The following KIAA1549L variants were observed in gnomAD, a reference collection of about 807,000 sequenced individuals.
KIAA1549L encodes the protein KIAA1549 like, also known as UPF0606 protein KIAA1549L.
In KIAA1549L, 88 loss-of-function variants were observed where a neutral mutation model predicts 160.7. The observed-to-expected ratio is 0.55, with a 90% CI of 0.46 to 0.65. The LOEUF is 0.65. Ranked by LOEUF, KIAA1549L falls within the 30% of genes least tolerant of loss-of-function variation. The pLI, the probability that KIAA1549L is intolerant of heterozygous loss-of-function variation, is 0.00. For missense variants in KIAA1549L, 2,258 were observed against 2,437.5 expected, an observed-to-expected ratio of 0.93 and a Z score of 1.55; for synonymous variants, 950 against 976.7, an observed-to-expected ratio of 0.97 and a Z score of 0.51.
rs35479859 is a variant in KIAA1549L, at chr11:33,405,839, C to CAAAAAAAA, written c.238+28967_238+28974dup. On this transcript the variant is annotated intron_variant, in intron 1 of 20. Transcript: ENST00000658780. ...CCTGGGCAACAGAGCCAGTCTGTCT[C>CAAAAAAAA]AAAAAAAAAAAAAAAAAAAAAAAAG... Among the ~76,000 whole-genome samples the CAAAAAAAA allele has an allele frequency of 2.4e-3, 163 of 68,862 alleles. 5 individuals carry two copies. In the South Asian group the frequency reaches 0.037, roughly 16 times the overall value. 45.2% of individuals were successfully genotyped at this position (68,862 alleles called of 152,430 possible). A position where few individuals can be genotyped will look rare whatever the true frequency, so the allele number is the denominator to read the frequency against.
At chr11:33,587,088 A>C (rs1251640929) in intron 11 of KIAA1549L, among the ~76,000 whole-genome samples, 1 of 152,190 alleles carries the variant, frequency 6.6e-6, no homozygotes, top group Non-Finnish European at 1.5e-5. Flanking sequence ...AATCGTATAG[A>C]GTGTTGTGAG....
chr11:33,474,263 A>G (rs1007388767), intron 1 of KIAA1549L, among the ~76,000 whole-genome samples: 1 of 152,216 alleles, frequency 6.6e-6, no homozygotes, highest in Admixed American at 6.5e-5. Context: ...ATCAGATGTC[A>G]TCTGGCTTGT....
chr11:33,546,766 C>G (rs1370722251), intron 3 of KIAA1549L, among the ~76,000 whole-genome samples: 1 of 152,174 alleles, frequency 6.6e-6, no homozygotes, highest in African/African-American at 2.4e-5. Flanking sequence ...CCAGTAGATG[C>G]CTGAAACTGC....
chr11:33,434,823 C>T (rs189399482), intron 1 of KIAA1549L, among the ~76,000 whole-genome samples: 10 of 152,334 alleles, frequency 6.6e-5, no homozygotes, highest in African/African-American at 2.4e-4. Context: ...CACTGGACCC[C>T]TAGAAATTTT....
intron 9 of KIAA1549L, among the ~76,000 whole-genome samples, chr11:33,570,451 A>G (rs1383990327): frequency 6.6e-6 from 1 of 152,104 alleles, no homozygotes; most frequent in African/African-American, 2.4e-5. Context: ...AAATCTTGGC[A>G]GGAGGAATTT....
rs1178288261 is a variant in KIAA1549L at position 33,435,818 on chromosome 11, G to GTATA, written c.238+58939_238+58942dup. Among the ~76,000 whole-genome samples, 158 of 45,102 alleles carry GTATA rather than the reference G, an allele frequency of 3.5e-3. 5 individuals carry two copies. The highest frequency in any genetic ancestry group is 5.6e-3 in the South Asian group (6 of 1,080). 29.6% of individuals were successfully genotyped at this position (45,102 alleles called of 152,430 possible). Reference sequence around the variant, plus strand: ...TATATATATATATATATATGTGTGTGTATATATATATATGTATATGTATAT... The same window carrying GTATA: ...TATATATATATATATATATGTGTGTGTATATATATATATATATGTATATGTATAT... On this transcript the variant is annotated intron_variant, in intron 1 of 20. Transcript: ENST00000658780.
chr11:33,509,899 C>G (rs1046243512), intron 1 of KIAA1549L, among the ~76,000 whole-genome samples: 1 of 152,184 alleles, frequency 6.6e-6, no homozygotes, highest in African/African-American at 2.4e-5. Flanking sequence ...TGTTCTCCTC[C>G]TGGTGCCTTT....
intron 11 of KIAA1549L, among the ~76,000 whole-genome samples, chr11:33,585,429 A>G (rs1364813605): frequency 3.3e-5 from 5 of 152,144 alleles, no homozygotes; most frequent in African/African-American, 1.2e-4. Flanking sequence ...GAGGCAGGAG[A>G]ATTGCTTGAA....
intron 16 of KIAA1549L, among the ~76,000 whole-genome samples, chr11:33,633,292 G>A (rs1851351824): frequency 2.0e-5 from 3 of 151,750 alleles, no homozygotes; most frequent in Non-Finnish European, 4.4e-5. Flanking sequence ...GTGAGTCACT[G>A]CGCCCAGCCC....
chr11:33,554,249 T>A (rs928358596), intron 6 of KIAA1549L, among the ~76,000 whole-genome samples: 6 of 152,208 alleles, frequency 3.9e-5, no homozygotes, highest in Non-Finnish European at 7.3e-5. Context: ...CTTTGTAGAA[T>A]AAGACCATGT....
chr11:33,666,425 A>G (rs1408941750), intron 20 of KIAA1549L, among the ~76,000 whole-genome samples: 3 of 152,150 alleles, frequency 2.0e-5, no homozygotes, highest in Admixed American at 6.5e-5. Flanking sequence ...CTCCCACTGC[A>G]TCTTCCTGGA....
At chr11:33,387,058 G>C (rs1054080439) in intron 1 of KIAA1549L, among the ~76,000 whole-genome samples, 2 of 151,892 alleles carry the variant, frequency 1.3e-5, no homozygotes, top group Non-Finnish European at 2.9e-5. Context: ...AGTGAGTCGG[G>C]ATTGTGCCAC....
intron 16 of KIAA1549L, among the ~76,000 whole-genome samples, chr11:33,635,132 T>G (rs1427911079): frequency 6.6e-6 from 1 of 152,178 alleles, no homozygotes; most frequent in African/African-American, 2.4e-5. Context: ...TCTTCCCACC[T>G]GGTGAAGTGA....
rs536273799 is a variant in KIAA1549L at position 33,638,696 on chromosome 11, A to G, written c.5410-6990A>G. On this transcript the variant is annotated intron_variant, in intron 16 of 20. Coordinates refer to ENST00000658780, the MANE Select transcript of KIAA1549L (RefSeq NM_012194.3). ...AATTTCTGGGTCATAGGGTAGGTATATGTTTAAGAAATTGTAGTCAAATTT... is the reference window on the plus strand; with the variant it reads ...AATTTCTGGGTCATAGGGTAGGTATGTGTTTAAGAAATTGTAGTCAAATTT... Among the ~76,000 whole-genome samples the G allele has an allele frequency of 4.6e-5, 7 of 152,328 alleles. No homozygotes were observed. In the East Asian group the frequency reaches 1.3e-3, roughly 29 times the overall value.
intron 1 of KIAA1549L, among the ~76,000 whole-genome samples, chr11:33,440,120 CTTTTTTTTTTT>C (rs201551936): frequency 1.7e-4 from 14 of 83,432 alleles, no homozygotes; most frequent in East Asian, 8.6e-4. Context: ...TATTTTGTTT[CTTTTTTTTTTT>C]TTTTTTTTTT....
chr11:33,545,381 A>G lies in KIAA1549L; in HGVS notation c.3385+3A>G. 1.2e-6 allele frequency: 2 copies of G among 1,602,760 alleles called. No individual in the cohort carries two copies. The highest frequency in any genetic ancestry group is 1.3e-5 in the African/African-American group (1 of 74,974). On this transcript the variant is annotated splice_donor_region_variant and intron_variant, in intron 3 of 20. Transcript: ENST00000658780. ...CAGTAAGCTCCTGGTGAAGACAGGT[A>G]TGAGACCACTGTTCTGATCTGAAAG...
At chr11:33,597,631 G>A (rs1290541805) in intron 12 of KIAA1549L, among the ~76,000 whole-genome samples, 1 of 152,180 alleles carries the variant, frequency 6.6e-6, no homozygotes. Flanking sequence ...CCGGACCCAC[G>A]GGCTGGCATG....
chr11:33,607,285 T>A (rs920939979), intron 14 of KIAA1549L, among the ~76,000 whole-genome samples: 1 of 152,134 alleles, frequency 6.6e-6, no homozygotes, highest in African/African-American at 2.4e-5. Context: ...CATTTATTCC[T>A]TTGAGCAAAC....
intron 1 of KIAA1549L, among the ~76,000 whole-genome samples, chr11:33,386,127 T>C (rs1008599924): frequency 1.3e-4 from 20 of 152,202 alleles, no homozygotes; most frequent in Middle Eastern, 3.2e-3. Context: ...TGAATAGAAA[T>C]AGGGAGAGTG....
Sources: gnomAD v4.1 joint callset for allele counts (sites outside exome capture counted in the v4.1 genomes callset) on GRCh38, gnomAD v4.1.1 for gene constraint, MANE v1.5 for transcripts, NCBI Gene and HGNC (gene_info 2026-07-23, HGNC 2026-07-21) for gene names.